TBC1D22A: variants seen among roughly 807,000 people sequenced by gnomAD.
TBC1D22A encodes the protein putative GTPase activator.
TBC1D22A carries 38 observed loss-of-function variants against 60.2 expected under a neutral mutation model. The ratio of observed to expected loss-of-function variants is 0.63; its 90% CI spans 0.49 to 0.83. TBC1D22A has a LOEUF of 0.83. TBC1D22A is among the 40% of genes least tolerant of loss of function. The pLI is 0.00. For synonymous variants in TBC1D22A, 302 were observed against 281.7 expected (o/e 1.07, Z -0.72); for missense variants, 628 against 701.0 (o/e 0.90, Z 1.18).
intron 4 of TBC1D22A, among the ~76,000 whole-genome samples, chr22:46,862,436 TCCTCAGCCC>T (rs1248098901): frequency 6.6e-6 from 1 of 152,124 alleles, no homozygotes; most frequent in East Asian, 1.9e-4. Context: ...CCGTGAGCCT[TCCTCAGCCC>T]CCTCTTGCTT....
intron 8 of TBC1D22A, among the ~76,000 whole-genome samples, chr22:46,954,436 G>C: frequency 6.6e-6 from 1 of 152,304 alleles, no homozygotes; most frequent in Middle Eastern, 3.4e-3. Context: ...GGTCAGATAC[G>C]TTGATTTCCT....
intron 5 of TBC1D22A, among the ~76,000 whole-genome samples, chr22:46,889,693 C>T (rs2068296160): frequency 1.3e-5 from 2 of 152,196 alleles, no homozygotes; most frequent in Admixed American, 1.3e-4. Flanking sequence ...TAACTTGGAT[C>T]CGTCTGGGAA....
At chr22:46,977,956 G>A (rs1018056275) in intron 9 of TBC1D22A, among the ~76,000 whole-genome samples, 13 of 152,258 alleles carry the variant, frequency 8.5e-5, no homozygotes, top group Non-Finnish European at 1.8e-4. Flanking sequence ...TGGGGACACA[G>A]ATCCAAACCG....
intron 4 of TBC1D22A, among the ~76,000 whole-genome samples, chr22:46,827,969 G>A (rs1049351562): frequency 1.8e-4 from 27 of 152,344 alleles, no homozygotes; most frequent in African/African-American, 6.5e-4. Flanking sequence ...ACAATCTCAA[G>A]TGTTGTTAGG....
At chr22:47,049,795 C>G (rs188203665) in intron 11 of TBC1D22A, among the ~76,000 whole-genome samples, 1 of 152,088 alleles carries the variant, frequency 6.6e-6, no homozygotes, top group South Asian at 2.1e-4. Context: ...AAATGTGGTG[C>G]GTGATTTTTC....
At chr22:46,947,603 T>C (rs1474863009) in intron 8 of TBC1D22A, among the ~76,000 whole-genome samples, 2 of 152,164 alleles carry the variant, frequency 1.3e-5, no homozygotes, top group Non-Finnish European at 1.5e-5. Context: ...CTGCTCCCGC[T>C]TGTCTGTGTT....
At chr22:46,785,594 T>G (rs1220235708) in intron 1 of TBC1D22A, among the ~76,000 whole-genome samples, 2 of 152,226 alleles carry the variant, frequency 1.3e-5, no homozygotes, top group African/African-American at 2.4e-5. Flanking sequence ...CCTTTAACTA[T>G]CACCCCTGCC....
chr22:46,824,169 G>A (rs938204601), intron 4 of TBC1D22A, among the ~76,000 whole-genome samples: 2 of 152,204 alleles, frequency 1.3e-5, no homozygotes, highest in Non-Finnish European at 2.9e-5. Context: ...AGCCTAGAGT[G>A]TGTTTCCTAC....
chr22:47,059,252 A>G (rs1186903807), intron 11 of TBC1D22A, among the ~76,000 whole-genome samples: 2 of 152,222 alleles, frequency 1.3e-5, no homozygotes, highest in African/African-American at 4.8e-5. Context: ...CCTACTGGGC[A>G]TCTTGAACAC....
intron 7 of TBC1D22A, among the ~76,000 whole-genome samples, chr22:46,905,829 C>G (rs1253241315): frequency 6.6e-6 from 1 of 152,228 alleles, no homozygotes; most frequent in African/African-American, 2.4e-5. Flanking sequence ...GGGGGCATGA[C>G]CTTCCCGTGT....
intron 8 of TBC1D22A, among the ~76,000 whole-genome samples, chr22:46,939,518 C>T (rs932767694): frequency 6.6e-6 from 1 of 152,076 alleles, no homozygotes; most frequent in Non-Finnish European, 1.5e-5. Flanking sequence ...AAATTTGGTA[C>T]ACTTAGTAAA....
At chr22:47,123,815 C>A (rs1444254596) in intron 12 of TBC1D22A, among the ~76,000 whole-genome samples, 1 of 152,184 alleles carries the variant, frequency 6.6e-6, no homozygotes, top group Non-Finnish European at 1.5e-5. Flanking sequence ...CGGGTTGCTG[C>A]ATGTGTGAAA....
chr22:47,139,422 C>G (rs1271565162), intron 12 of TBC1D22A, among the ~76,000 whole-genome samples: 1 of 152,244 alleles, frequency 6.6e-6, no homozygotes, highest in Non-Finnish European at 1.5e-5. Context: ...CCGTGGAGGG[C>G]TCCCTGCTGG....
rs2068406719 is a variant in TBC1D22A, at chr22:46,891,483, G to A, written c.837+89G>A. ...AGGAAATGTTTTATCAAAACCATGT[G>A]GAGTTGGTCAGAGTTAAAGATGCAG... On this transcript the variant is annotated intron_variant, in intron 6 of 12. Coordinates refer to ENST00000337137, the MANE Select transcript of TBC1D22A (RefSeq NM_014346.5). 2.1e-6 allele frequency: 3 copies of A among 1,421,320 alleles called. No homozygotes were observed. The South Asian group carries it at 4.7e-5, about 22-fold the overall frequency. 88.0% of individuals were successfully genotyped at this position (1,421,320 alleles called of 1,614,324 possible). A position where few individuals can be genotyped will look rare whatever the true frequency, so the allele number is the denominator to read the frequency against.
chr22:46,803,174 C>G (rs1041226800), intron 4 of TBC1D22A, among the ~76,000 whole-genome samples: 7 of 152,080 alleles, frequency 4.6e-5, no homozygotes, highest in African/African-American at 1.7e-4. Context: ...CCCTCTGCAC[C>G]CCCACCCCCT....
At chr22:47,140,240 G>A (rs967324993) in intron 12 of TBC1D22A, among the ~76,000 whole-genome samples, 2 of 150,226 alleles carry the variant, frequency 1.3e-5, no homozygotes, top group East Asian at 2.0e-4. Context: ...GGCCCAGGCT[G>A]CTCCGCTTAT....
intron 12 of TBC1D22A, among the ~76,000 whole-genome samples, chr22:47,142,382 CCCACCCATTCTTCCATCCATCCTG>C: frequency 8.1e-6 from 1 of 122,956 alleles, no homozygotes; most frequent in Non-Finnish European, 1.7e-5. Context: ...CATCCATCCG[CCCACCCATTCTTCCATCCATCCTG>C]CCACCCACCC....
At chr22:46,830,011 C>T (rs1042788573) in intron 4 of TBC1D22A, among the ~76,000 whole-genome samples, 2 of 152,208 alleles carry the variant, frequency 1.3e-5, no homozygotes, top group Non-Finnish European at 2.9e-5. Flanking sequence ...GCGCTGTGCT[C>T]GGCGAGAGAC....
At chr22:46,920,199 C>T (rs892894039) in intron 8 of TBC1D22A, among the ~76,000 whole-genome samples, 2 of 152,158 alleles carry the variant, frequency 1.3e-5, no homozygotes, top group Non-Finnish European at 2.9e-5. Context: ...CCTACCTCAG[C>T]CTCCCAAGTA....
Sources: allele counts gnomAD v4.1 joint callset (sites outside exome capture counted in the v4.1 genomes callset), GRCh38; gene constraint gnomAD v4.1.1; transcripts MANE v1.5; gene names NCBI Gene and HGNC (gene_info 2026-07-23, HGNC 2026-07-21).